Variants in MAPK10 observed in about 807,000 individuals in gnomAD.
The protein encoded by MAPK10 is mitogen-activated protein kinase 10.
MAPK10 carries 25 observed loss-of-function variants against 59.3 expected under a neutral mutation model. That is an observed-to-expected ratio of 0.42 (90% confidence interval 0.31 to 0.59). MAPK10 has a LOEUF of 0.59. Ranked by LOEUF, MAPK10 falls within the 20% of genes least tolerant of loss-of-function variation. MAPK10 has a pLI of 0.15. For synonymous variants in MAPK10, 190 were observed against 200.5 expected (o/e 0.95, Z 0.44); for missense variants, 351 against 568.9 (o/e 0.62, Z 3.90).
rs146347203 is a variant in MAPK10, at chr4:86,404,436, C to T, written c.-122+48594G>A. Among the ~76,000 whole-genome samples, 53 of 152,302 alleles carry T rather than the reference C, an allele frequency of 3.5e-4. 1 individual carries two copies. Among genetic ancestry groups the T allele is most frequent in the African/African-American group, 1.2e-3 (51 of 41,580 alleles). ...CTACAGACTTCTATTACTCTTCATT[C>T]ATGATTCATTGACTCTCTCTATGCT... On this transcript the variant is annotated intron_variant, in intron 1 of 13. Transcript: ENST00000361569.
At chr4:86,069,368 GA>G (rs1262305870) in intron 9 of MAPK10, among the ~76,000 whole-genome samples, 5 of 151,626 alleles carry the variant, frequency 3.3e-5, no homozygotes, top group Non-Finnish European at 5.9e-5. Context: ...ATGAAGGTGG[GA>G]AAAACAATAA....
chr4:86,540,496 T>C (rs1317993731), intron 1 of MAPK10, among the ~76,000 whole-genome samples: 1 of 152,028 alleles, frequency 6.6e-6, no homozygotes, highest in African/African-American at 2.4e-5. Context: ...TGAGACCCTG[T>C]CTCAAACAAA....
intron 2 of MAPK10, among the ~76,000 whole-genome samples, chr4:86,295,607 T>C (rs1030107637): frequency 6.6e-6 from 1 of 151,860 alleles, no homozygotes; most frequent in Non-Finnish European, 1.5e-5. Flanking sequence ...GAAAAATAAC[T>C]GCAGCTCCAA....
In MAPK10 at chr4:86,249,306, T is replaced by C. The variant is rs1477967506; in HGVS notation, c.-6-54899A>G. 2.0e-5 allele frequency among the ~76,000 whole-genome samples: 3 copies of C among 152,290 alleles called. No individual in the cohort carries two copies. In the East Asian group the frequency reaches 5.8e-4, roughly 29 times the overall value. On this transcript the variant is annotated intron_variant, in intron 2 of 13. Transcript: ENST00000641462. Reference sequence around the variant, plus strand: ...TAGCATTGGTTTAGTGGCTCAGTTATGTAAGGCCAGTGTCTATGATTCTCC... The same window carrying C: ...TAGCATTGGTTTAGTGGCTCAGTTACGTAAGGCCAGTGTCTATGATTCTCC...
At chr4:86,215,080 T>G (rs896016945) in intron 2 of MAPK10, among the ~76,000 whole-genome samples, 3 of 152,090 alleles carry the variant, frequency 2.0e-5, no homozygotes, top group Non-Finnish European at 2.9e-5. Context: ...ATCAATGAAA[T>G]AGAATAGGAA....
At chr4:86,231,798 G>A (rs1389069345) in intron 2 of MAPK10, among the ~76,000 whole-genome samples, 1 of 152,132 alleles carries the variant, frequency 6.6e-6, no homozygotes, top group Non-Finnish European at 1.5e-5. Context: ...ACTACATAAT[G>A]CACAGGGCCT....
In MAPK10 at chr4:86,134,054, C is replaced by G. The variant is rs186786152; in HGVS notation, c.236+25244G>C. On this transcript the variant is annotated intron_variant, in intron 4 of 13. Coordinates refer to ENST00000641462, the MANE Select transcript of MAPK10 (RefSeq NM_138982.4). ...ATCAGTCACCAACTGCTTACACCTTCACAAGGAAGCCAACCCATGATGAAT... is the reference window on the plus strand; with the variant it reads ...ATCAGTCACCAACTGCTTACACCTTGACAAGGAAGCCAACCCATGATGAAT... Among the ~76,000 whole-genome samples the G allele has an allele frequency of 5.0e-4, 76 of 152,334 alleles. 1 individual carries two copies. Among genetic ancestry groups the G allele is most frequent in the Admixed American group, 4.1e-3 (62 of 15,302 alleles).
At chr4:86,264,561 C>A (rs2094145871) in intron 2 of MAPK10, among the ~76,000 whole-genome samples, 1 of 152,204 alleles carries the variant, frequency 6.6e-6, no homozygotes, top group Non-Finnish European at 1.5e-5. Flanking sequence ...TCTAGTCCCC[C>A]ACAATGAAGT....
rs750308615 is a variant in MAPK10 at position 86,490,149 on chromosome 4, TATTA to T, written c.-263+103757_-263+103760del. On this transcript the variant is annotated intron_variant, in intron 1 of 4. Transcript: ENST00000502302. ...TAAATTGATCCACTCATTCAGGAAA[TATTA>T]ATTGAGTAGTTATGCCACTGAGAAG... 1.3e-3 allele frequency among the ~76,000 whole-genome samples: 201 copies of T among 152,364 alleles called. 1 individual carries two copies. Among genetic ancestry groups the T allele is most frequent in the Non-Finnish European group, 2.2e-3 (153 of 68,044 alleles).
chr4:86,465,564 C>G (rs963816919), intron 1 of MAPK10, among the ~76,000 whole-genome samples: 1 of 152,182 alleles, frequency 6.6e-6, no homozygotes, highest in African/African-American at 2.4e-5. Context: ...TGAACAGCAT[C>G]TACAGAAACC....
chr4:86,166,099 T>A (rs1252856837), intron 3 of MAPK10, among the ~76,000 whole-genome samples: 1 of 152,230 alleles, frequency 6.6e-6, no homozygotes, highest in Non-Finnish European at 1.5e-5. Context: ...TAATACTGCT[T>A]GAATACTTAT....
At position 86,064,162 on chromosome 4, in the gene MAPK10, T is replaced by C; in HGVS notation, c.1110+104A>G. On this transcript the variant is annotated intron_variant, in intron 11 of 13. Coordinates refer to ENST00000641462, the MANE Select transcript of MAPK10 (RefSeq NM_138982.4). ...TAATAGGCTTTGGACTTAGAAATTT[T>C]ATAAAAATCCATTGTGCATTCTTTA... The C allele has an allele frequency of 2.1e-6, 3 of 1,406,860 alleles. No individual in the cohort carries two copies. The East Asian group carries it at 6.9e-5, about 32-fold the overall frequency. The allele number at this position is 1,406,860 out of a possible 1,614,324, so 87.1% of individuals were successfully genotyped here.
intron 4 of MAPK10, among the ~76,000 whole-genome samples, chr4:86,121,278 A>G (rs2059198214): frequency 6.6e-6 from 1 of 152,168 alleles, no homozygotes; most frequent in Non-Finnish European, 1.5e-5. Context: ...GTGACTGGTG[A>G]GGGCTTGTTC....
intron 1 of MAPK10, among the ~76,000 whole-genome samples, chr4:86,359,288 C>CTCTCTGTGTG (rs796310826): frequency 1.1e-5 from 1 of 94,608 alleles, no homozygotes; most frequent in African/African-American, 5.3e-5. Flanking sequence ...CTCTCTCTCT[C>CTCTCTGTGTG]TGTGTGTGTG....
At chr4:86,567,593 A>G (rs1183178945) in intron 1 of MAPK10, among the ~76,000 whole-genome samples, 2 of 152,216 alleles carry the variant, frequency 1.3e-5, no homozygotes, top group African/African-American at 4.8e-5. Context: ...TAATGGTATG[A>G]CTGAAAGCCC....
At chr4:86,504,717 C>T (rs1755596493) in intron 1 of MAPK10, among the ~76,000 whole-genome samples, 1 of 152,132 alleles carries the variant, frequency 6.6e-6, no homozygotes, top group African/African-American at 2.4e-5. Flanking sequence ...CCACCCCATC[C>T]TCCAATTGAT....
At chr4:86,075,186 C>T (rs1050413436) in intron 9 of MAPK10, among the ~76,000 whole-genome samples, 204 of 152,274 alleles carry the variant, frequency 1.3e-3, no homozygotes, top group East Asian at 3.7e-3. Flanking sequence ...TTGATCGCAT[C>T]GGCTCCTGAG....
chr4:86,451,123 G>C (rs939241527), intron 1 of MAPK10, among the ~76,000 whole-genome samples: 11 of 152,186 alleles, frequency 7.2e-5, no homozygotes, highest in Non-Finnish European at 1.6e-4. Flanking sequence ...ATCTCAGAGA[G>C]AAGTACAAAC....
chr4:86,499,411 G>A (rs967860822), intron 1 of MAPK10, among the ~76,000 whole-genome samples: 5 of 152,116 alleles, frequency 3.3e-5, no homozygotes, highest in African/African-American at 1.2e-4. Context: ...AACACAGCAA[G>A]AACATTTCCA....
Sources: gnomAD v4.1 joint callset for allele counts (sites outside exome capture counted in the v4.1 genomes callset) on GRCh38, gnomAD v4.1.1 for gene constraint, MANE v1.5 for transcripts, NCBI Gene and HGNC (gene_info 2026-07-23, HGNC 2026-07-21) for gene names.